The following SH3BP5 variants were observed in gnomAD, a reference collection of about 807,000 sequenced individuals.
The protein encoded by SH3BP5 is SH3 domain binding protein 5, also known as SH3 domain-binding protein 5.
Under a neutral mutation model 43.3 loss-of-function variants are expected in SH3BP5, and 22 were observed. The observed-to-expected ratio is 0.51, with a 90% confidence interval of 0.36 to 0.73. SH3BP5 has a LOEUF of 0.73. Ranked by LOEUF, SH3BP5 falls within the 30% of genes least tolerant of loss-of-function variation. SH3BP5 has a pLI of 0.00. For synonymous variants in SH3BP5, 255 were observed against 225.8 expected (o/e 1.13, Z -1.16); for missense variants, 529 against 586.9 (o/e 0.90, Z 1.02).
intron 3 of SH3BP5, among the ~76,000 whole-genome samples, chr3:15,303,663 T>C (rs1289843882): frequency 6.9e-6 from 1 of 145,504 alleles, no homozygotes; most frequent in South Asian, 2.2e-4. Context: ...AAGGAGTGTA[T>C]AACAACTCAC....
At chr3:15,334,372 C>G (rs1229646247), upstream of SH3BP5, among the ~76,000 whole-genome samples, 3 of 152,040 alleles carry the variant, frequency 2.0e-5, no homozygotes, top group Non-Finnish European at 4.4e-5. Flanking sequence ...TGTGTAAATT[C>G]AACTAACCAC....
Position 15,257,181 on chromosome 3 carries a change from C to T in SH3BP5, c.890-68G>A. On this transcript the variant is annotated intron_variant, in intron 7 of 8. Coordinates refer to ENST00000383791, the MANE Select transcript of SH3BP5 (RefSeq NM_004844.5). ...CCTCAAACACCACAAGTGCTTGCTG[C>T]TGGCAGGCAGCTAGACACAGCATGG... The T allele has an allele frequency of 4.0e-6, 6 of 1,517,928 alleles. No homozygotes were observed. The South Asian group carries it at 4.9e-5, about 12-fold the overall frequency. The allele number at this position is 1,517,928 out of a possible 1,614,324, so 94.0% of individuals were successfully genotyped here.
At chr3:15,286,597 C>T (rs922898627) in intron 3 of SH3BP5, among the ~76,000 whole-genome samples, 2 of 152,192 alleles carry the variant, frequency 1.3e-5, no homozygotes, top group African/African-American at 2.4e-5. Flanking sequence ...GCCCAGGCTA[C>T]AGTGCAGTGG....
Position 15,306,579 on chromosome 3 carries a change from G to C in SH3BP5, c.202-2348C>G, listed in dbSNP as rs150506297. Among the ~76,000 whole-genome samples, 531 of 152,300 alleles carry C rather than the reference G, an allele frequency of 3.5e-3. 4 individuals carry two copies. Among genetic ancestry groups the C allele is most frequent in the African/African-American group, 0.012 (491 of 41,564 alleles). On this transcript the variant is annotated intron_variant, in intron 2 of 8. Transcript: ENST00000383791. ...CTCCAAAAGAACAACACATGATCAT[G>C]AGCTATGGGCCTGGAGACTCAACAC...
intron 3 of SH3BP5, among the ~76,000 whole-genome samples, chr3:15,300,936 G>A (rs539232683): frequency 1.3e-5 from 2 of 152,250 alleles, no homozygotes; most frequent in South Asian, 4.1e-4. Context: ...TTCGACCGAT[G>A]ACTCAGTGCC....
intron 4 of SH3BP5, among the ~76,000 whole-genome samples, chr3:15,265,561 A>ACACACACACACACACACACACACACAC (rs1553613901): frequency 2.0e-4 from 9 of 44,502 alleles, no homozygotes; most frequent in African/African-American, 7.1e-4. Flanking sequence ...CACACACACA[A>ACACACACACACACACACACACACACAC]CCCTCCAGCT....
intron 3 of SH3BP5, among the ~76,000 whole-genome samples, chr3:15,301,086 C>A (rs1159774275): frequency 6.6e-6 from 1 of 152,132 alleles, no homozygotes; most frequent in African/African-American, 2.4e-5. Flanking sequence ...CTTTTCCCAA[C>A]AAAGAAGATT....
chr3:15,331,306 C>A (rs1429276365), intron 1 of SH3BP5, among the ~76,000 whole-genome samples: 2 of 152,084 alleles, frequency 1.3e-5, no homozygotes, highest in Non-Finnish European at 2.9e-5. Context: ...GCTAAGCTGA[C>A]AAAACAATTC....
chr3:15,257,161 A>G, intron 7 of SH3BP5, 48 bp from the exon 8 acceptor site: 3 of 1,589,384 alleles, frequency 1.9e-6, no homozygotes, highest in Non-Finnish European at 2.6e-6. Context: ...CACCTCCTCA[A>G]ACACCACAAG....
At chr3:15,332,068 C>T in intron 1 of SH3BP5, 1 of 806,736 alleles carries the variant, frequency 1.2e-6, no homozygotes, top group Non-Finnish European at 1.9e-6. Flanking sequence ...GCAATAGAGT[C>T]AGGCCGCATC....
rs114833756 is a variant in SH3BP5, at chr3:15,307,699, C to T, written c.202-3468G>A. Among the ~76,000 whole-genome samples the T allele has an allele frequency of 3.6e-3, 555 of 152,368 alleles. 3 individuals are homozygous for T. Among genetic ancestry groups the T allele is most frequent in the African/African-American group, 0.013 (520 of 41,586 alleles). ...TTCCCAGAGGCGAGGGCAGCTGACA[C>T]GGTGGACATAATAACCTGTTCCACT... On this transcript the variant is annotated intron_variant, in intron 2 of 8. Transcript: ENST00000383791.
chr3:15,335,849 G>A (rs145730230), upstream of SH3BP5, among the ~76,000 whole-genome samples: 26 of 152,338 alleles, frequency 1.7e-4, no homozygotes, highest in African/African-American at 4.6e-4. Context: ...GGAGCAGGGC[G>A]TGGCCTAGGA....
intron 3 of SH3BP5, chr3:15,273,234 A>G: frequency 1.0e-6 from 1 of 985,316 alleles, no homozygotes; most frequent in Non-Finnish European, 1.2e-6. Flanking sequence ...TTTAAGGGTA[A>G]ACTCTCTTCT....
intron 2 of SH3BP5, among the ~76,000 whole-genome samples, chr3:15,306,718 G>C (rs1268994583): frequency 6.6e-6 from 1 of 152,088 alleles, no homozygotes; most frequent in Non-Finnish European, 1.5e-5. Context: ...ACCCAGGCTG[G>C]AGTGCAGTGG....
chr3:15,263,575 T>G (rs1389530126), intron 4 of SH3BP5, among the ~76,000 whole-genome samples: 2 of 152,024 alleles, frequency 1.3e-5, no homozygotes, highest in African/African-American at 4.8e-5. Flanking sequence ...AAAGTTCTGG[T>G]GGGAAATTCT....
intron 3 of SH3BP5, among the ~76,000 whole-genome samples, chr3:15,279,227 C>A (rs77960952): frequency 0.13 from 20,470 of 152,162 alleles, 1,494 homozygotes; most frequent in African/African-American, 0.17. Flanking sequence ...TAGGGGACAT[C>A]ATTTTTTCTC....
Position 15,259,753 on chromosome 3 carries a change from A to G in SH3BP5, c.669+8T>C, listed in dbSNP as rs1211222478. ...CTCATCAGTGACGAAGCCCAAAGCT[A>G]CACATACCTCGAGCTGCACATAGTA... is the stretch of plus-strand genomic sequence containing the variant. On this transcript the variant is annotated splice_region_variant and intron_variant, in intron 6 of 8. Coordinates refer to ENST00000383791, the MANE Select transcript of SH3BP5 (RefSeq NM_004844.5). 1.2e-6 allele frequency: 2 copies of G among 1,613,930 alleles called. No homozygotes were observed. Among genetic ancestry groups the G allele is most frequent in the Non-Finnish European group, 8.5e-7 (1 of 1,179,790 alleles).
chr3:15,331,576 A>G (rs1251772980), intron 1 of SH3BP5, among the ~76,000 whole-genome samples: 1 of 152,218 alleles, frequency 6.6e-6, no homozygotes, highest in Non-Finnish European at 1.5e-5. Flanking sequence ...ATGGAGGCAC[A>G]GCCAGCCAGC....
At chr3:15,291,882 A>G (rs1328348415) in intron 3 of SH3BP5, among the ~76,000 whole-genome samples, 3 of 152,182 alleles carry the variant, frequency 2.0e-5, no homozygotes, top group Admixed American at 6.5e-5. Flanking sequence ...GTAGATTTTC[A>G]TAGAAGTCAC....
Sources: gnomAD v4.1 joint callset for allele counts (sites outside exome capture counted in the v4.1 genomes callset) on GRCh38, gnomAD v4.1.1 for gene constraint, MANE v1.5 for transcripts, NCBI Gene and HGNC (gene_info 2026-07-23, HGNC 2026-07-21) for gene names.